TTC6: variants seen among roughly 807,000 people sequenced by gnomAD.
TTC6 encodes tetratricopeptide repeat protein 6.
A neutral mutation model predicts 210.4 loss-of-function variants in TTC6; 172 were observed. The ratio of observed to expected loss-of-function variants is 0.82; its 90% confidence interval spans 0.72 to 0.93. The LOEUF (loss-of-function observed/expected upper bound fraction) is 0.93. Among genes scored for constraint, TTC6 ranks in the 40% least tolerant of loss-of-function variants. The probability of loss-of-function intolerance (pLI) is 0.00; values close to 1 mark genes in which losing one functional copy is unlikely to be tolerated. For synonymous variants in TTC6, 804 were observed against 819.6 expected (o/e 0.98, Z 0.32); for missense variants, 2,414 against 2,318.1 (o/e 1.04, Z -0.85).
chr14:37,802,852 C>T (rs1055238867), intron 20 of TTC6, among the ~76,000 whole-genome samples: 1 of 151,930 alleles, frequency 6.6e-6, no homozygotes, highest in African/African-American at 2.4e-5. Context: ...CCTGCCTCAG[C>T]CTCCTGACTA....
At chr14:37,796,191 A>T (rs939530175) in intron 18 of TTC6, 103 bp from the exon 21 acceptor site, 8 of 501,086 alleles carry the variant, frequency 1.6e-5, no homozygotes, top group East Asian at 1.6e-4. Context: ...TAAGTAAATA[A>T]GAATGAATAT....
At chr14:37,761,911 C>A (rs2095985741) in intron 14 of TTC6, among the ~76,000 whole-genome samples, 1 of 152,118 alleles carries the variant, frequency 6.6e-6, no homozygotes, top group Non-Finnish European at 1.5e-5. Context: ...TATCCGTCAC[C>A]TCAAATACTT....
chr14:37,766,411 T>A (rs2139140170), intron 14 of TTC6, among the ~76,000 whole-genome samples: 1 of 152,198 alleles, frequency 6.6e-6, no homozygotes, highest in East Asian at 1.9e-4. Context: ...CTTATTTGTG[T>A]CCATGTGTTC....
chr14:37,635,981 CAAAAAAAAA>C (rs71433909), intron 1 of TTC6, among the ~76,000 whole-genome samples: 6 of 70,356 alleles, frequency 8.5e-5, no homozygotes, highest in African/African-American at 1.3e-4. Context: ...ATTCCATTTC[CAAAAAAAAA>C]AAAAAAAAAA....
In TTC6 at chr14:37,598,281, C is replaced by T. The variant is rs868641472; in HGVS notation, c.-235+2273C>T. Among the ~76,000 whole-genome samples, 7 of 152,296 alleles carry T rather than the reference C, an allele frequency of 4.6e-5. No individual in the cohort carries two copies. The highest frequency in any genetic ancestry group is 1.7e-4 in the African/African-American group (7 of 41,578). On this transcript the variant is annotated intron_variant, in intron 1 of 2. Coordinates refer to the TTC6 transcript ENST00000556845. This position sits in a 1 kb window ranked among gnomAD's most constrained non-coding sequence, Gnocchi z 4.9. Reference sequence around the variant, plus strand: ...CGCGAGGGCAGGCACGTGGCGGCTCCTGCGGTGTCCCGGGTTAAACTTGCC... The same window carrying T: ...CGCGAGGGCAGGCACGTGGCGGCTCTTGCGGTGTCCCGGGTTAAACTTGCC...
chr14:37,776,049 T>C (rs2096036619), intron 14 of TTC6, among the ~76,000 whole-genome samples: 1 of 49,222 alleles, frequency 2.0e-5, no homozygotes, highest in Admixed American at 2.4e-4. Flanking sequence ...GATTCTTTTT[T>C]TTTTTTTTTT....
Position 37,664,481 on chromosome 14 carries a change from C to T in TTC6, c.940-15670C>T, listed in dbSNP as rs930173802. Among the ~76,000 whole-genome samples, 2 of 149,452 alleles carry T rather than the reference C, an allele frequency of 1.3e-5. 1 individual carries two copies. The highest frequency in any genetic ancestry group is 3.0e-5 in the Non-Finnish European group (2 of 66,398). ...AAATTGAAACTGGACCCTTTCCTCACACCATATACAAAAATTAACTCAAGA... is the reference window on the plus strand; with the variant it reads ...AAATTGAAACTGGACCCTTTCCTCATACCATATACAAAAATTAACTCAAGA... On this transcript the variant is annotated intron_variant, in intron 1 of 30. Coordinates refer to ENST00000553443, the Ensembl canonical transcript of TTC6.
At chr14:37,651,398 T>C (rs1443865365) in intron 1 of TTC6, among the ~76,000 whole-genome samples, 4 of 19,368 alleles carry the variant, frequency 2.1e-4, no homozygotes, top group Admixed American at 1.2e-3. Flanking sequence ...TATATATATA[T>C]ATATATATAT....
intron 25 of TTC6, 29 bp downstream of exon 27, chr14:37,812,462 G>T: frequency 1.3e-6 from 2 of 1,535,356 alleles, no homozygotes; most frequent in South Asian, 1.3e-5. Context: ...TAACCCACTT[G>T]ATTTTGCACA....
exon 25 of TTC6, chr14:37,812,409 A>G: frequency 1.2e-6 from 2 of 1,610,550 alleles, no homozygotes; most frequent in East Asian, 2.2e-5. Context: ...ACGTAGAACT[A>G]GGCCAGTATG....
At chr14:37,778,127 G>C (rs1031252988) in intron 14 of TTC6, among the ~76,000 whole-genome samples, 1 of 151,816 alleles carries the variant, frequency 6.6e-6, no homozygotes, top group Non-Finnish European at 1.5e-5. Context: ...ACAGTGGGGT[G>C]CATGCTTATC....
intron 1 of TTC6, among the ~76,000 whole-genome samples, chr14:37,656,228 G>A (rs570208939): frequency 1.3e-5 from 2 of 152,320 alleles, no homozygotes; most frequent in East Asian, 1.9e-4. Flanking sequence ...AGTGGTCTCT[G>A]AAGTCAATTC....
At chr14:37,662,610 T>A (rs2095739681) in intron 1 of TTC6, among the ~76,000 whole-genome samples, 2 of 152,202 alleles carry the variant, frequency 1.3e-5, no homozygotes, top group South Asian at 4.1e-4. Flanking sequence ...GGGTCCAGCT[T>A]CAGTCTTCTC....
chr14:37,760,097 T>G (rs941584161), intron 14 of TTC6, among the ~76,000 whole-genome samples: 1 of 152,212 alleles, frequency 6.6e-6, no homozygotes, highest in Non-Finnish European at 1.5e-5. Flanking sequence ...TTTGGAATTT[T>G]CAGCTTTTTT....
intron 1 of TTC6, among the ~76,000 whole-genome samples, chr14:37,628,027 A>G (rs898127349): frequency 1.3e-5 from 2 of 152,004 alleles, no homozygotes; most frequent in Admixed American, 1.3e-4. Context: ...CTGGAGTGCA[A>G]TGGCATGATC....
At chr14:37,701,359 C>G in exon 5 of TTC6, 2 of 1,466,824 alleles carry the variant, frequency 1.4e-6, no homozygotes, top group Non-Finnish European at 1.8e-6. Flanking sequence ...CCATGCCGCA[C>G]CTTCATGATC....
intron 29 of TTC6, among the ~76,000 whole-genome samples, chr14:37,838,331 A>T (rs187500799): frequency 2.6e-5 from 4 of 152,298 alleles, no homozygotes; most frequent in Admixed American, 6.5e-5. Context: ...AAGTGCTGGG[A>T]TGTCATAGCC....
intron 25 of TTC6, among the ~76,000 whole-genome samples, chr14:37,814,819 A>G (rs2096137786): frequency 6.6e-6 from 1 of 152,210 alleles, no homozygotes; most frequent in Non-Finnish European, 1.5e-5. Flanking sequence ...AGACTGAGTA[A>G]TTAGAGGTCT....
chr14:37,756,887 T>C (rs2095969580), intron 14 of TTC6, among the ~76,000 whole-genome samples: 2 of 152,198 alleles, frequency 1.3e-5, no homozygotes, highest in African/African-American at 4.8e-5. Context: ...GAGGAGTCCC[T>C]CTTTTTCTAT....
Sources: allele counts gnomAD v4.1 joint callset (sites outside exome capture counted in the v4.1 genomes callset), GRCh38; gene constraint gnomAD v4.1.1; non-coding constraint Gnocchi (gnomAD v3.1); transcripts MANE v1.5; gene names NCBI Gene and HGNC (gene_info 2026-07-23, HGNC 2026-07-21).